The following PDE1C variants were observed in gnomAD, a reference collection of about 807,000 sequenced individuals.
PDE1C encodes dual specificity calcium/calmodulin-dependent 3',5'-cyclic nucleotide phosphodiesterase 1C.
PDE1C carries 62 observed loss-of-function variants against 93.1 expected under a neutral mutation model. The observed-to-expected ratio is 0.67, with a 90% CI of 0.54 to 0.82. The LOEUF (loss-of-function observed/expected upper bound fraction) is 0.82. Among genes scored for constraint, PDE1C ranks in the 40% least tolerant of loss-of-function variants. The pLI, the probability that PDE1C is intolerant of heterozygous loss-of-function variation, is 0.00. For synonymous variants in PDE1C, 325 were observed against 310.1 expected (o/e 1.05, Z -0.50); for missense variants, 742 against 884.6 (o/e 0.84, Z 2.04).
Position 31,823,177 on chromosome 7 carries a change from G to A in PDE1C, c.1478C>T (p.Pro493Leu), listed in dbSNP as rs1191596537. ...AACGGAGATGACAGAATTGTTGATCGGGGCACTTCCCTCTGAACCAGAGGT... is the reference window on the plus strand; with the variant it reads ...AACGGAGATGACAGAATTGTTGATCAGGGCACTTCCCTCTGAACCAGAGGT... ...VKTSGSEGSA[P>L]INNSVISVDY... The change falls in exon 14 of 18, where the codon CCG (proline) becomes CTG (leucine). Residue 493 changes from proline (P) to leucine (L), a missense_variant. Pro to Leu is a moderately conservative substitution (Grantham distance 98). Transcript: ENST00000396191. 12 of 1,613,036 alleles carry A rather than the reference G, an allele frequency of 7.4e-6. No individual in the cohort carries two copies. The highest frequency in any genetic ancestry group is 1.1e-5 in the South Asian group (1 of 91,006).
At chr7:31,877,879 C>G in intron 5 of PDE1C, 91 bp downstream of exon 5, 1 of 757,230 alleles carries the variant, frequency 1.3e-6, no homozygotes, top group South Asian at 1.7e-5. Context: ...GGAAAAGTAA[C>G]TGTAAATGAA....
chr7:32,393,048 C>A (rs1393124416), intron 1 of PDE1C, among the ~76,000 whole-genome samples: 156 of 48,486 alleles, frequency 3.2e-3, no homozygotes, highest in South Asian at 4.4e-3. Context: ...GACTCTGTCT[C>A]AAAAAAAAAA....
At chr7:32,298,907 G>A in exon 1 of PDE1C, 2 of 1,361,392 alleles carry the variant, frequency 1.5e-6, no homozygotes, top group Non-Finnish European at 1.9e-6. Context: ...ACAACAGCGG[G>A]GACCCAATGT....
rs79526669 is a variant in PDE1C, at chr7:31,918,104, T to G, written c.129-37244A>C. ...TGTAAATTTATTTATTGATTTATTG[T>G]ATCAGACAGATCAATTAGTAGCTAC... On this transcript the variant is annotated intron_variant, in intron 2 of 17. Transcript: ENST00000396191. Among the ~76,000 whole-genome samples, 956 of 152,300 alleles carry G rather than the reference T, an allele frequency of 6.3e-3. 11 individuals are homozygous for G. Among genetic ancestry groups the G allele is most frequent in the African/African-American group, 0.022 (909 of 41,570 alleles).
chr7:31,928,467 AAGAAACATAACCATC>A (rs369990549), intron 2 of PDE1C, among the ~76,000 whole-genome samples: 4,743 of 152,218 alleles, frequency 0.031, 235 homozygotes, highest in African/African-American at 0.11. Context: ...GAGTAACCCC[AAGAAACATAACCATC>A]AGATTCTCCA....
chr7:31,901,025 A>T (rs1359648141), intron 2 of PDE1C, among the ~76,000 whole-genome samples: 1 of 151,822 alleles, frequency 6.6e-6, no homozygotes, highest in Non-Finnish European at 1.5e-5. Flanking sequence ...TAAATGATAA[A>T]GAATACATAT....
At chr7:32,273,886 C>T (rs1346474618) in intron 1 of PDE1C, among the ~76,000 whole-genome samples, 1 of 152,146 alleles carries the variant, frequency 6.6e-6, no homozygotes, top group East Asian at 1.9e-4. Context: ...GTTCCCCTAC[C>T]TTGTTGGGTT....
At chr7:32,358,644 A>G (rs1373583348) in intron 1 of PDE1C, among the ~76,000 whole-genome samples, 1 of 152,180 alleles carries the variant, frequency 6.6e-6, no homozygotes. Flanking sequence ...CACAACCAAC[A>G]GTCATTGAGC....
the PDE1C span, chr7:31,658,422 T>C: frequency 2.0e-6 from 3 of 1,477,546 alleles, no homozygotes; most frequent in Non-Finnish European, 2.7e-6. Flanking sequence ...AAATAATCAG[T>C]TTCCAGAGTA....
intron 1 of PDE1C, among the ~76,000 whole-genome samples, chr7:32,261,397 C>T (rs1434580024): frequency 6.6e-6 from 1 of 152,162 alleles, no homozygotes; most frequent in Non-Finnish European, 1.5e-5. Context: ...CAGCACTCCC[C>T]ACTTCCCAAG....
chr7:32,083,646 A>T (rs1291028368), intron 3 of PDE1C, among the ~76,000 whole-genome samples: 2 of 152,242 alleles, frequency 1.3e-5, no homozygotes, highest in Non-Finnish European at 2.9e-5. Flanking sequence ...GACTAACAGC[A>T]GATCTCTCTG....
intron 3 of PDE1C, among the ~76,000 whole-genome samples, chr7:32,102,549 C>T (rs1323430195): frequency 6.6e-6 from 1 of 152,192 alleles, no homozygotes; most frequent in African/African-American, 2.4e-5. Context: ...CATGATGCCT[C>T]CCTCATTAAA....
Position 31,838,292 on chromosome 7 carries a change from C to T in PDE1C, c.981-321G>A, listed in dbSNP as rs1308028718. On this transcript the variant is annotated intron_variant, in intron 9 of 17. Coordinates refer to ENST00000396191, the MANE Select transcript of PDE1C (RefSeq NM_001191057.4). ...ATTCAGAGTTTTAAGAAAGAATTAACTTGAAAATAATCCTTGGAGGTAAAT... is the reference window on the plus strand; with the variant it reads ...ATTCAGAGTTTTAAGAAAGAATTAATTTGAAAATAATCCTTGGAGGTAAAT... Among the ~76,000 whole-genome samples the T allele has an allele frequency of 2.6e-5, 4 of 152,278 alleles. No individual in the cohort carries two copies. The East Asian group carries it at 7.7e-4, about 29-fold the overall frequency.
At chr7:31,755,792 T>C (rs1794426303) in intron 17 of PDE1C, among the ~76,000 whole-genome samples, 1 of 152,204 alleles carries the variant, frequency 6.6e-6, no homozygotes, top group African/African-American at 2.4e-5. Context: ...GAATAATTTA[T>C]ATACATATGC....
intron 2 of PDE1C, among the ~76,000 whole-genome samples, chr7:32,181,925 A>G (rs1246352150): frequency 2.6e-5 from 4 of 152,192 alleles, no homozygotes; most frequent in Non-Finnish European, 5.9e-5. Context: ...AGAAGAAAAG[A>G]GAGAAAAATC....
intron 2 of PDE1C, among the ~76,000 whole-genome samples, chr7:31,923,235 A>T (rs948847572): frequency 9.2e-5 from 14 of 152,140 alleles, no homozygotes; most frequent in African/African-American, 2.9e-4. Flanking sequence ...GTTGCTTCTC[A>T]CCTGGACCAC....
At chr7:32,020,220 C>T (rs1172505646) in intron 2 of PDE1C, among the ~76,000 whole-genome samples, 1 of 152,072 alleles carries the variant, frequency 6.6e-6, no homozygotes, top group African/African-American at 2.4e-5. Context: ...CCCTTTTGTG[C>T]ACCTTCAATA....
At chr7:31,939,378 C>G (rs1309990484) in intron 2 of PDE1C, among the ~76,000 whole-genome samples, 1 of 152,078 alleles carries the variant, frequency 6.6e-6, no homozygotes, top group East Asian at 1.9e-4. Context: ...TCTCATTTGA[C>G]AAGAGTTAAA....
At chr7:31,760,755 T>A (rs990801269) in intron 17 of PDE1C, among the ~76,000 whole-genome samples, 2 of 83,360 alleles carry the variant, frequency 2.4e-5, no homozygotes, top group Admixed American at 1.7e-4. Context: ...CTATCTGCAA[T>A]GTGTACACAC....
Sources: allele counts gnomAD v4.1 joint callset (sites outside exome capture counted in the v4.1 genomes callset), GRCh38; gene constraint gnomAD v4.1.1; transcripts MANE v1.5; gene names NCBI Gene and HGNC (gene_info 2026-07-23, HGNC 2026-07-21).